Variants in ZNF536 observed in about 807,000 individuals in gnomAD.
The protein encoded by ZNF536 is zinc finger protein 536.
Under a neutral mutation model 84.5 loss-of-function variants are expected in ZNF536, and 13 were observed. That is an observed-to-expected ratio of 0.15 (90% confidence interval 0.10 to 0.24). The LOEUF is 0.24. ZNF536 is among the 10% of genes least tolerant of loss of function. The probability of loss-of-function intolerance (pLI) is 1.00; values close to 1 mark genes in which losing one functional copy is unlikely to be tolerated. For synonymous variants in ZNF536, 811 were observed against 742.5 expected (o/e 1.09, Z -1.50); for missense variants, 1,536 against 1,747.5 (o/e 0.88, Z 2.16).
intron 3 of ZNF536, among the ~76,000 whole-genome samples, chr19:30,536,978 T>C (rs2045108870): frequency 6.6e-6 from 1 of 152,174 alleles, no homozygotes; most frequent in Non-Finnish European, 1.5e-5. Context: ...CAGGACTTTC[T>C]AGACCGCTTT....
chr19:30,702,312 A>G (rs1695625000), intron 1 of ZNF536, among the ~76,000 whole-genome samples: 2 of 152,358 alleles, frequency 1.3e-5, no homozygotes, highest in Admixed American at 6.5e-5. Flanking sequence ...TAGTGGATTA[A>G]AAATGAATGT....
chr19:30,355,630 G>A (rs1181069151), intron 3 of ZNF536, among the ~76,000 whole-genome samples: 1 of 151,980 alleles, frequency 6.6e-6, no homozygotes, highest in African/African-American at 2.4e-5. Context: ...GCTTAAACCA[G>A]GGGTCCCCAG....
At chr19:30,395,782 A>G (rs1310721263) in intron 1 of ZNF536, among the ~76,000 whole-genome samples, 1 of 152,180 alleles carries the variant, frequency 6.6e-6, no homozygotes, top group African/African-American at 2.4e-5. Context: ...TGAATATAAG[A>G]CTTATGATAA....
At chr19:30,554,192 G>T (rs138709974) in intron 4 of ZNF536, 7 of 147,872 alleles carry the variant, frequency 4.7e-5, no homozygotes, top group Non-Finnish European at 1.0e-4. Context: ...CTTAAAATGT[G>T]ACTTATCTTT....
At chr19:30,600,899 T>C (rs2047660620) in intron 1 of ZNF536, among the ~76,000 whole-genome samples, 1 of 152,244 alleles carries the variant, frequency 6.6e-6, no homozygotes, top group Non-Finnish European at 1.5e-5. Context: ...TTTTGTTCCG[T>C]TGATTCCTGG....
rs566412885 is a variant in ZNF536 at position 30,446,720 on chromosome 19, G to A, written c.2170+988G>A. Among the ~76,000 whole-genome samples the A allele has an allele frequency of 1.1e-4, 17 of 152,154 alleles. No homozygotes were observed. In the South Asian group the frequency reaches 2.5e-3, roughly 22 times the overall value. On this transcript the variant is annotated intron_variant, in intron 2 of 4. Transcript: ENST00000355537. ...TGTACTGTGTTACACGGCTGATACA[G>A]CTTTGGGGTCTAAAATAGCAAAGCA...
At chr19:30,510,448 G>A (rs1345572401) in intron 2 of ZNF536, among the ~76,000 whole-genome samples, 1 of 152,198 alleles carries the variant, frequency 6.6e-6, no homozygotes, top group East Asian at 1.9e-4. Flanking sequence ...GTCTTTGGGA[G>A]GAGTTTGCAC....
At chr19:30,689,963 C>T (rs1174881487) in intron 1 of ZNF536, among the ~76,000 whole-genome samples, 1 of 152,150 alleles carries the variant, frequency 6.6e-6, no homozygotes, top group African/African-American at 2.4e-5. Context: ...AAATAAACAT[C>T]TGGTTGTTTG....
intron 2 of ZNF536, among the ~76,000 whole-genome samples, chr19:30,448,582 A>G (rs2052459785): frequency 6.6e-6 from 1 of 152,222 alleles, no homozygotes; most frequent in Admixed American, 6.5e-5. Flanking sequence ...AATTTGCATC[A>G]CTTGATTCTT....
At chr19:30,642,654 C>T (rs993103125) in intron 1 of ZNF536, among the ~76,000 whole-genome samples, 2 of 152,166 alleles carry the variant, frequency 1.3e-5, no homozygotes, top group African/African-American at 4.8e-5. Context: ...TCAGAAGTGC[C>T]TGCAGGAGGT....
At chr19:30,676,765 A>G (rs1323933562) in intron 1 of ZNF536, among the ~76,000 whole-genome samples, 5 of 152,254 alleles carry the variant, frequency 3.3e-5, no homozygotes, top group African/African-American at 1.2e-4. Flanking sequence ...TGATTTTAAT[A>G]TGATTTTAAA....
intron 1 of ZNF536, among the ~76,000 whole-genome samples, chr19:30,270,462 C>T (rs537765070): frequency 1.4e-3 from 210 of 152,288 alleles, no homozygotes; most frequent in African/African-American, 4.7e-3. Flanking sequence ...AACAATTGCA[C>T]TTGAAGTAAT....
At chr19:30,430,086 C>G (rs2051386218) in intron 1 of ZNF536, among the ~76,000 whole-genome samples, 1 of 151,968 alleles carries the variant, frequency 6.6e-6, no homozygotes, top group Non-Finnish European at 1.5e-5. Flanking sequence ...AAGAACTGTT[C>G]TCTTCTAAGT....
chr19:30,555,847 A>C (rs374012654), intron 4 of ZNF536: 4 of 152,288 alleles, frequency 2.6e-5, no homozygotes, highest in Admixed American at 6.5e-5. Flanking sequence ...GGAAAATGGC[A>C]TAGGAAGACA....
intron 1 of ZNF536, among the ~76,000 whole-genome samples, chr19:30,659,763 A>G (rs907778722): frequency 2.6e-5 from 4 of 152,202 alleles, no homozygotes; most frequent in Non-Finnish European, 5.9e-5. Flanking sequence ...CCAGATTATT[A>G]CAATTTGAGG....
intron 2 of ZNF536, among the ~76,000 whole-genome samples, chr19:30,347,162 A>G (rs2047772906): frequency 1.3e-5 from 2 of 149,342 alleles, no homozygotes. Flanking sequence ...TTGAAAAGTT[A>G]GACCAAATTC....
At chr19:30,707,992 C>T (rs1249156708) in intron 1 of ZNF536, among the ~76,000 whole-genome samples, 1 of 132,322 alleles carries the variant, frequency 7.6e-6, no homozygotes, top group African/African-American at 2.8e-5. Context: ...GCCTGGGTAA[C>T]AGAGTGAGAC....
intron 1 of ZNF536, among the ~76,000 whole-genome samples, chr19:30,646,618 A>G (rs768449927): frequency 6.6e-5 from 10 of 152,190 alleles, no homozygotes; most frequent in Non-Finnish European, 1.5e-5. Flanking sequence ...AGCTCCTTCT[A>G]GACATTTTCT....
chr19:30,567,569 C>T (rs1266468079), intron 1 of ZNF536, among the ~76,000 whole-genome samples: 1 of 152,150 alleles, frequency 6.6e-6, no homozygotes, highest in Non-Finnish European at 1.5e-5. Flanking sequence ...AGCGAGAGGG[C>T]CCCGAGGAAA....
Sources: gnomAD v4.1 joint callset for allele counts (sites outside exome capture counted in the v4.1 genomes callset) on GRCh38, gnomAD v4.1.1 for gene constraint, MANE v1.5 for transcripts, NCBI Gene and HGNC (gene_info 2026-07-23, HGNC 2026-07-21) for gene names.